RBFOX1: variants seen among roughly 807,000 people sequenced by gnomAD.
RBFOX1 encodes RNA binding fox-1 homolog 1, also known as RNA binding protein fox-1 homolog 1.
Under a neutral mutation model 57.7 loss-of-function variants are expected in RBFOX1, and 8 were observed. The ratio of observed to expected loss-of-function variants is 0.14; its 90% CI spans 0.08 to 0.25. RBFOX1 has a LOEUF of 0.25. Among genes scored for constraint, RBFOX1 ranks in the 10% least tolerant of loss-of-function variants. The pLI is 1.00. For missense variants in RBFOX1, 611 were observed against 548.5 expected, an observed-to-expected ratio of 1.11 and a Z score of -1.14; for synonymous variants, 326 against 222.4, an observed-to-expected ratio of 1.47 and a Z score of -4.15.
At chr16:5,273,644 G>T (rs2063070609) in intron 1 of RBFOX1, among the ~76,000 whole-genome samples, 1 of 152,166 alleles carries the variant, frequency 6.6e-6, no homozygotes, top group Non-Finnish European at 1.5e-5. Context: ...CCAAGATGAA[G>T]AGAAGGTTTT....
intron 1 of RBFOX1, among the ~76,000 whole-genome samples, chr16:5,433,662 A>G (rs2067821486): frequency 6.6e-6 from 1 of 152,176 alleles, no homozygotes; most frequent in Non-Finnish European, 1.5e-5. Context: ...TGTGTGTGGC[A>G]TTTGTCGCAA....
chr16:5,858,739 A>G (rs1805542762), intron 3 of RBFOX1, among the ~76,000 whole-genome samples: 1 of 152,190 alleles, frequency 6.6e-6, no homozygotes, highest in African/African-American at 2.4e-5. Context: ...GAGCCTGCAG[A>G]ATTTGGTAGG....
chr16:7,273,063 C>T (rs2095360313), intron 4 of RBFOX1, among the ~76,000 whole-genome samples: 1 of 125,864 alleles, frequency 7.9e-6, no homozygotes, highest in Non-Finnish European at 1.7e-5. Flanking sequence ...TCCCTCCTTC[C>T]CTCCCTCCTT....
intron 3 of RBFOX1, among the ~76,000 whole-genome samples, chr16:6,809,396 T>A (rs902269719): frequency 2.0e-5 from 3 of 152,196 alleles, no homozygotes; most frequent in Admixed American, 2.0e-4. Flanking sequence ...GGTGCATTTT[T>A]AAAGAATTAT....
At chr16:6,412,988 A>G (rs1471257009) in intron 2 of RBFOX1, among the ~76,000 whole-genome samples, 1 of 152,192 alleles carries the variant, frequency 6.6e-6, no homozygotes, top group African/African-American at 2.4e-5. Context: ...CTTTAATATT[A>G]TTGAGAAAAA....
At chr16:6,016,582 C>T (rs969073655), upstream of RBFOX1, among the ~76,000 whole-genome samples, 1 of 152,196 alleles carries the variant, frequency 6.6e-6, no homozygotes, top group African/African-American at 2.4e-5. Context: ...CAGCCAAGCA[C>T]AAGGCTACAA....
rs763155497 is a variant in RBFOX1, at chr16:5,432,728, CAGTT to C, written c.220-34484_220-34481del. Among the ~76,000 whole-genome samples, 100 of 151,982 alleles carry C rather than the reference CAGTT, an allele frequency of 6.6e-4. 2 individuals carry two copies. Among genetic ancestry groups the C allele is most frequent in the Admixed American group, 3.3e-4 (5 of 15,260 alleles). On this transcript the variant is annotated intron_variant, in intron 1 of 2. Transcript: ENST00000585867. ...TTTATGGGGGGCCCTCCTCAGCTGT[CAGTT>C]AGTGTTCTCCTGTCTTTCCCACAGA...
intron 1 of RBFOX1, among the ~76,000 whole-genome samples, chr16:6,021,981 G>C (rs2095089034): frequency 1.3e-5 from 2 of 152,194 alleles, no homozygotes. Flanking sequence ...AGTGGTACAG[G>C]AAAGGCAGGT....
intron 2 of RBFOX1, among the ~76,000 whole-genome samples, chr16:6,495,416 C>T (rs1451073572): frequency 1.3e-5 from 2 of 149,876 alleles, no homozygotes; most frequent in South Asian, 4.2e-4. Flanking sequence ...CAGGCTTGAG[C>T]TTCCGCGCCT....
chr16:7,354,204 C>T (rs2146167715), intron 4 of RBFOX1, among the ~76,000 whole-genome samples: 1 of 152,282 alleles, frequency 6.6e-6, no homozygotes, highest in South Asian at 2.1e-4. Context: ...CTCCTGACGT[C>T]AGGTGATCTG....
At chr16:6,673,100 G>T (rs2098777747) in intron 3 of RBFOX1, among the ~76,000 whole-genome samples, 1 of 152,188 alleles carries the variant, frequency 6.6e-6, no homozygotes, top group Non-Finnish European at 1.5e-5. Flanking sequence ...TCACGTAAAT[G>T]CAACACTTGC....
chr16:7,424,508 C>A (rs1358626010), intron 4 of RBFOX1, among the ~76,000 whole-genome samples: 2 of 152,186 alleles, frequency 1.3e-5, no homozygotes, highest in Non-Finnish European at 2.9e-5. Flanking sequence ...GATCCACCCA[C>A]CTCGGCTTCC....
At chr16:7,354,944 C>T (rs1220104843) in intron 4 of RBFOX1, among the ~76,000 whole-genome samples, 1 of 152,168 alleles carries the variant, frequency 6.6e-6, no homozygotes. Context: ...TGCTTTCCCT[C>T]ATTTAAGCAA....
At position 7,337,806 on chromosome 16, in the gene RBFOX1, TC is replaced by T. The variant is rs1204684944; in HGVS notation, c.28-180338del. Among the ~76,000 whole-genome samples, 3 of 152,160 alleles carry T rather than the reference TC, an allele frequency of 2.0e-5. No individual in the cohort carries two copies. The East Asian group carries it at 5.8e-4, about 29-fold the overall frequency. On this transcript the variant is annotated intron_variant, in intron 4 of 15. Transcript: ENST00000550418. ...TTCAAGCGATTCTCCTGCCTCAGCC[TC>T]CCAAGTAACTGGGATTACAGGCACG...
chr16:7,267,888 G>A (rs1005583254), intron 4 of RBFOX1, among the ~76,000 whole-genome samples: 5 of 152,148 alleles, frequency 3.3e-5, no homozygotes, highest in African/African-American at 9.7e-5. Flanking sequence ...CAATGAGGAG[G>A]TTTTGTTGAG....
At chr16:5,854,281 C>T (rs752986214) in intron 3 of RBFOX1, among the ~76,000 whole-genome samples, 14 of 152,174 alleles carry the variant, frequency 9.2e-5, no homozygotes, top group Non-Finnish European at 1.0e-4. Flanking sequence ...ATGAGATCCC[C>T]AGAACTTATC....
chr16:6,855,537 C>T (rs1013335482), intron 3 of RBFOX1, among the ~76,000 whole-genome samples: 1 of 151,402 alleles, frequency 6.6e-6, no homozygotes, highest in Non-Finnish European at 1.5e-5. Context: ...CCTGTAGTCC[C>T]AGCTACTGGG....
chr16:6,072,089 C>T (rs991272600), intron 1 of RBFOX1, among the ~76,000 whole-genome samples: 2 of 152,212 alleles, frequency 1.3e-5, no homozygotes, highest in African/African-American at 4.8e-5. Context: ...ACCTCACAAT[C>T]ATGGCTGAAG....
chr16:6,426,836 C>T (rs547509937), intron 2 of RBFOX1, among the ~76,000 whole-genome samples: 2 of 152,212 alleles, frequency 1.3e-5, no homozygotes, highest in Non-Finnish European at 1.5e-5. Context: ...CTCCTGGGTT[C>T]TGCCCATAGC....
Sources: allele counts gnomAD v4.1 joint callset (sites outside exome capture counted in the v4.1 genomes callset), GRCh38; gene constraint gnomAD v4.1.1; transcripts MANE v1.5; gene names NCBI Gene and HGNC (gene_info 2026-07-23, HGNC 2026-07-21).